HDGFL3: variants seen among roughly 807,000 people sequenced by gnomAD.
HDGFL3 encodes hepatoma-derived growth factor-related protein 3.
HDGFL3 carries 6 observed loss-of-function variants against 27.6 expected under a neutral mutation model. The observed-to-expected ratio is 0.22, with a 90% CI of 0.12 to 0.43. HDGFL3 has a LOEUF of 0.43. Ranked by LOEUF, HDGFL3 falls within the 20% of genes least tolerant of loss-of-function variation. The probability of loss-of-function intolerance (pLI) is 1.00; values close to 1 mark genes in which losing one functional copy is unlikely to be tolerated. For synonymous variants in HDGFL3, 88 were observed against 88.9 expected (o/e 0.99, Z 0.05); for missense variants, 207 against 250.1 (o/e 0.83, Z 1.16).
At chr15:83,177,929 T>C (rs2151414089) in intron 1 of HDGFL3, among the ~76,000 whole-genome samples, 1 of 152,334 alleles carries the variant, frequency 6.6e-6, no homozygotes, top group East Asian at 1.9e-4. Context: ...ACAATAGTGG[T>C]ACAGAAATCA....
In HDGFL3 at chr15:83,177,003, C is replaced by T. The variant is rs555459092; in HGVS notation, c.85-12928G>A. ...TGCAATCTCAGCTCACTGCAACCTC[C>T]GGCTCCTGGGTCCAAGCAATTCTCC... On this transcript the variant is annotated intron_variant, in intron 1 of 5. Coordinates refer to ENST00000299633, the MANE Select transcript of HDGFL3 (RefSeq NM_016073.4). 6.2e-5 allele frequency among the ~76,000 whole-genome samples: 8 copies of T among 128,988 alleles called. No individual in the cohort carries two copies. The East Asian group carries it at 9.7e-4, about 16-fold the overall frequency. 84.6% of individuals were successfully genotyped at this position (128,988 alleles called of 152,430 possible). A position where few individuals can be genotyped will look rare whatever the true frequency, so the allele number is the denominator to read the frequency against.
chr15:83,112,948 T>C (rs1485975134), exon 4 of HDGFL3: 1 of 1,423,180 alleles, frequency 7.0e-7, no homozygotes, highest in Non-Finnish European at 9.9e-7. Flanking sequence ...AATAACACAA[T>C]ACTTTCAGCC....
In HDGFL3 at chr15:83,128,720, A is replaced by AT. The variant is rs1453785537; in HGVS notation, c.*10549dup. The AT allele has an allele frequency of 2.6e-5, 4 of 151,952 alleles. No individual in the cohort carries two copies. Among genetic ancestry groups the AT allele is most frequent in the East Asian group, 3.9e-4 (2 of 5,186 alleles). The allele number at this position is 151,952 out of a possible 1,614,324, so 9.4% of individuals were successfully genotyped here. ...TGATCCTCCCCACAACCTCTCTTCC[A>AT]TTTTTTCATTATCTGTTTAAATAGT... On this transcript the variant is annotated 3_prime_UTR_variant, in exon 6 of 6. Coordinates refer to ENST00000299633, the MANE Select transcript of HDGFL3 (RefSeq NM_016073.4).
At chr15:83,118,783 C>G (rs1384122980) in intron 3 of HDGFL3, among the ~76,000 whole-genome samples, 5 of 152,098 alleles carry the variant, frequency 3.3e-5, no homozygotes, top group Admixed American at 6.5e-5. Context: ...GGGGCCAAAA[C>G]AACAGTAAAA....
chr15:83,134,356 G>GCTGTA lies in HDGFL3; in HGVS notation c.*4913_*4914insTACAG, dbSNP rs2036470772. The GCTGTA allele has an allele frequency of 6.6e-6, 1 of 152,208 alleles. No individual in the cohort carries two copies. Among genetic ancestry groups the GCTGTA allele is most frequent in the Non-Finnish European group, 1.5e-5 (1 of 68,086 alleles). The allele number at this position is 152,208 out of a possible 1,614,324, so 9.4% of individuals were successfully genotyped here. A position where few individuals can be genotyped will look rare whatever the true frequency, so the allele number is the denominator to read the frequency against. ...CTGCCTCAGCCTCCCGAGCAGCTGA[G>GCTGTA]ATTACAGGCGTCTGCCACCACGCCC... is the stretch of plus-strand genomic sequence containing the variant. On this transcript the variant is annotated 3_prime_UTR_variant, in exon 6 of 6. Coordinates refer to ENST00000299633, the MANE Select transcript of HDGFL3 (RefSeq NM_016073.4).
intron 4 of HDGFL3, among the ~76,000 whole-genome samples, chr15:83,156,607 G>A (rs993025852): frequency 3.3e-5 from 5 of 152,164 alleles, no homozygotes; most frequent in East Asian, 1.9e-4. Flanking sequence ...CCACATATAC[G>A]AAGCCTTGAC....
At chr15:83,151,481 T>A in intron 4 of HDGFL3, 120 bp from the exon 5 acceptor site, 3 of 754,058 alleles carry the variant, frequency 4.0e-6, no homozygotes, top group Non-Finnish European at 6.3e-6. Flanking sequence ...GAGGATATAC[T>A]GACACAACAT....
rs539385043 is a variant in HDGFL3 at position 83,133,675 on chromosome 15, C to T, written c.*5595G>A. The T allele has an allele frequency of 6.6e-6, 1 of 152,352 alleles. No individual in the cohort carries two copies. The highest frequency in any genetic ancestry group is 1.5e-5 in the Non-Finnish European group (1 of 68,036). The allele number at this position is 152,352 out of a possible 1,614,324, so 9.4% of individuals were successfully genotyped here. A position where few individuals can be genotyped will look rare whatever the true frequency, so the allele number is the denominator to read the frequency against. ...ATTGAGTTCACTGAGCCACCTGACC[C>T]CAGCACAGGCTCAGGCTGAGCTCTT... On this transcript the variant is annotated 3_prime_UTR_variant, in exon 6 of 6. Coordinates refer to ENST00000299633, the MANE Select transcript of HDGFL3 (RefSeq NM_016073.4).
downstream of HDGFL3, chr15:83,127,591 T>C: frequency 8.4e-7 from 1 of 1,186,310 alleles, no homozygotes; most frequent in Non-Finnish European, 1.2e-6. Flanking sequence ...ATTAGACATG[T>C]CACCTTTTGT....
chr15:83,200,336 A>G (rs1468457029), intron 1 of HDGFL3, among the ~76,000 whole-genome samples: 3 of 146,266 alleles, frequency 2.1e-5, no homozygotes, highest in Non-Finnish European at 4.5e-5. Context: ...CTCCATCTCA[A>G]AAAAAAAAAA....
chr15:83,124,811 G>T, downstream of HDGFL3: 1 of 1,485,106 alleles, frequency 6.7e-7, no homozygotes, highest in South Asian at 1.2e-5. Context: ...GTAACATTGT[G>T]ATACTACTCA....
chr15:83,204,079 G>A (rs1039858137), intron 1 of HDGFL3, among the ~76,000 whole-genome samples: 1 of 149,788 alleles, frequency 6.7e-6, no homozygotes, highest in Admixed American at 6.7e-5. Flanking sequence ...AACAATGGGG[G>A]AGAAGGAAGG....
At chr15:83,184,390 C>A (rs2037415602) in intron 1 of HDGFL3, among the ~76,000 whole-genome samples, 1 of 152,130 alleles carries the variant, frequency 6.6e-6, no homozygotes, top group Non-Finnish European at 1.5e-5. Context: ...TGATGTCTGG[C>A]TTTTTATGCT....
At chr15:83,156,522 C>A (rs548463583) in intron 4 of HDGFL3, among the ~76,000 whole-genome samples, 1 of 152,164 alleles carries the variant, frequency 6.6e-6, no homozygotes, top group Non-Finnish European at 1.5e-5. Flanking sequence ...AAAGCACATT[C>A]TTTGAAGCAG....
Position 83,139,153 on chromosome 15 carries a change from G to T in HDGFL3, c.*117C>A. On this transcript the variant is annotated 3_prime_UTR_variant, in exon 6 of 6. Coordinates refer to ENST00000299633, the MANE Select transcript of HDGFL3 (RefSeq NM_016073.4). ...ATGAATAATGTACATACAAACTGGG[G>T]TTCTGTCAATGACAACAAGGACTAT... 2 of 567,542 alleles carry T rather than the reference G, an allele frequency of 3.5e-6. No individual in the cohort carries two copies. The highest frequency in any genetic ancestry group is 5.8e-6 in the Non-Finnish European group (2 of 346,978). The allele number at this position is 567,542 out of a possible 1,614,324, so 35.2% of individuals were successfully genotyped here.
chr15:83,183,402 T>G (rs971295320), intron 1 of HDGFL3, among the ~76,000 whole-genome samples: 1 of 152,150 alleles, frequency 6.6e-6, no homozygotes, highest in Non-Finnish European at 1.5e-5. Flanking sequence ...CCCTGCTGTC[T>G]ACAACTTCTC....
rs976147178 is a variant in HDGFL3, at chr15:83,128,895, G to T, written c.*10375C>A. ...TCCCAGGCTGGAGTGTGATGGCACA[G>T]TCATAGCTCACCGCAGCCTCGGACT... On this transcript the variant is annotated 3_prime_UTR_variant, in exon 6 of 6. Transcript: ENST00000299633. The T allele has an allele frequency of 3.3e-5, 5 of 152,160 alleles. No homozygotes were observed. The highest frequency in any genetic ancestry group is 1.2e-4 in the African/African-American group (5 of 41,366). The allele number at this position is 152,160 out of a possible 1,614,324, so 9.4% of individuals were successfully genotyped here.
At chr15:83,127,603 T>C (rs1228408088), downstream of HDGFL3, 22 of 1,049,068 alleles carry the variant, frequency 2.1e-5, no homozygotes, top group Non-Finnish European at 2.7e-5. Context: ...ACCTTTTGTT[T>C]TGCAGTTCTT....
At position 83,136,438 on chromosome 15, in the gene HDGFL3, C is replaced by T. The variant is rs1483750978; in HGVS notation, c.*2832G>A. 1 of 1,516,790 alleles carries T rather than the reference C, an allele frequency of 6.6e-7. No individual in the cohort carries two copies. Among genetic ancestry groups the T allele is most frequent in the Non-Finnish European group, 8.8e-7 (1 of 1,130,066 alleles). 94.0% of individuals were successfully genotyped at this position (1,516,790 alleles called of 1,614,324 possible). ...AGAACTCATCATGCATCCAACTGAA[C>T]ACGTTTCATGCTTACTCAATTTTTT... On this transcript the variant is annotated 3_prime_UTR_variant, in exon 6 of 6. Coordinates refer to ENST00000299633, the MANE Select transcript of HDGFL3 (RefSeq NM_016073.4).
Sources: gnomAD v4.1 joint callset for allele counts (sites outside exome capture counted in the v4.1 genomes callset) on GRCh38, gnomAD v4.1.1 for gene constraint, MANE v1.5 for transcripts, NCBI Gene and HGNC (gene_info 2026-07-23, HGNC 2026-07-21) for gene names.